The following PDZRN4 variants were observed in gnomAD, a reference collection of about 807,000 sequenced individuals.
The protein encoded by PDZRN4 is PDZ domain-containing RING finger protein 4.
PDZRN4 carries 70 observed loss-of-function variants against 99.0 expected under a neutral mutation model. The ratio of observed to expected loss-of-function variants is 0.71; its 90% confidence interval spans 0.58 to 0.86. The LOEUF (loss-of-function observed/expected upper bound fraction) is 0.86. Among genes scored for constraint, PDZRN4 ranks in the 40% least tolerant of loss-of-function variants. The probability of loss-of-function intolerance (pLI) is 0.00; values close to 1 mark genes in which losing one functional copy is unlikely to be tolerated. For synonymous variants in PDZRN4, 551 were observed against 501.6 expected, an observed-to-expected ratio of 1.10 and a Z score of -1.32; for missense variants, 1,474 against 1,331.2, an observed-to-expected ratio of 1.11 and a Z score of -1.67.
rs145810455 is a variant in PDZRN4 at position 41,312,947 on chromosome 12, T to C, written c.843+118759T>C. On this transcript the variant is annotated intron_variant, in intron 3 of 9. Coordinates refer to ENST00000402685, the MANE Select transcript of PDZRN4 (RefSeq NM_001164595.2). Reference sequence around the variant, plus strand: ...AATCGCACTGCCCTTCTTAGTGTTATGCCCAGAAACTCTGACTGTCCACCA... The same window carrying C: ...AATCGCACTGCCCTTCTTAGTGTTACGCCCAGAAACTCTGACTGTCCACCA... Among the ~76,000 whole-genome samples, 116 of 152,336 alleles carry C rather than the reference T, an allele frequency of 7.6e-4. 1 individual carries two copies. The East Asian group carries it at 0.018, about 24-fold the overall frequency.
At chr12:41,394,649 A>G (rs1298545391) in intron 3 of PDZRN4, among the ~76,000 whole-genome samples, 1 of 152,084 alleles carries the variant, frequency 6.6e-6, no homozygotes, top group African/African-American at 2.4e-5. Flanking sequence ...ACAGTCACTC[A>G]TGTGGTTGTT....
chr12:41,496,025 G>T (rs993584095), intron 3 of PDZRN4, among the ~76,000 whole-genome samples: 1 of 152,058 alleles, frequency 6.6e-6, no homozygotes, highest in African/African-American at 2.4e-5. Flanking sequence ...TATATATGTT[G>T]TTTTTCCCAG....
At chr12:41,450,802 C>A (rs1490749720) in intron 3 of PDZRN4, among the ~76,000 whole-genome samples, 2 of 152,046 alleles carry the variant, frequency 1.3e-5, no homozygotes, top group African/African-American at 4.8e-5. Context: ...GTGGTTCATG[C>A]CTTTACTTTC....
chr12:41,341,418 C>T (rs1951816001), intron 3 of PDZRN4, among the ~76,000 whole-genome samples: 1 of 151,780 alleles, frequency 6.6e-6, no homozygotes, highest in African/African-American at 2.4e-5. Context: ...TAAATTGTCC[C>T]TATTTGCAGG....
chr12:41,207,816 T>C (rs1950861804), intron 3 of PDZRN4, among the ~76,000 whole-genome samples: 1 of 151,838 alleles, frequency 6.6e-6, no homozygotes, highest in Admixed American at 6.6e-5. Context: ...GAAGAGGAAA[T>C]ATGGCTGGTT....
intron 5 of PDZRN4, among the ~76,000 whole-genome samples, chr12:41,513,771 C>G (rs752673297): frequency 3.8e-4 from 57 of 151,884 alleles, no homozygotes; most frequent in Admixed American, 2.4e-3. Flanking sequence ...ATCTTTTTGC[C>G]CAACTCCTAA....
At chr12:41,284,982 AC>A (rs1202759966) in intron 3 of PDZRN4, among the ~76,000 whole-genome samples, 1 of 152,100 alleles carries the variant, frequency 6.6e-6, no homozygotes, top group African/African-American at 2.4e-5. Flanking sequence ...AAAAGCAATG[AC>A]AAAAAAAGCC....
intron 3 of PDZRN4, among the ~76,000 whole-genome samples, chr12:41,450,054 G>A (rs1952762416): frequency 6.6e-6 from 1 of 151,804 alleles, no homozygotes; most frequent in African/African-American, 2.4e-5. Context: ...TTCTTCAACT[G>A]CAAATATCCA....
At chr12:41,508,019 G>C (rs1392766774) in intron 4 of PDZRN4, among the ~76,000 whole-genome samples, 1 of 152,090 alleles carries the variant, frequency 6.6e-6, no homozygotes, top group Non-Finnish European at 1.5e-5. Context: ...AATAATAATA[G>C]CTAGCTTGTA....
In PDZRN4 at chr12:41,543,999, A is replaced by T. The variant is rs573985018; in HGVS notation, c.1204-8657A>T. 5.8e-4 allele frequency among the ~76,000 whole-genome samples: 89 copies of T among 152,346 alleles called. No individual in the cohort carries two copies. In the Middle Eastern group the frequency reaches 0.031, roughly 52 times the overall value. ...ATTTTAGGGTCATATTTCCAAAAAA[A>T]CCATGAATAAATGCTAGATGGACCA... On this transcript the variant is annotated intron_variant, in intron 5 of 9. Coordinates refer to ENST00000402685, the MANE Select transcript of PDZRN4 (RefSeq NM_001164595.2).
chr12:41,456,188 G>A (rs1213936878), intron 3 of PDZRN4, among the ~76,000 whole-genome samples: 1 of 152,120 alleles, frequency 6.6e-6, no homozygotes, highest in East Asian at 1.9e-4. Flanking sequence ...GTGGTTGCAG[G>A]ACAAAGTCCA....
chr12:41,554,575 A>C (rs1325718913), intron 6 of PDZRN4, among the ~76,000 whole-genome samples: 3 of 152,166 alleles, frequency 2.0e-5, no homozygotes, highest in Non-Finnish European at 4.4e-5. Flanking sequence ...TTGCTTAAAA[A>C]AAAAAAGCTT....
At chr12:41,462,798 A>G (rs530611328) in intron 3 of PDZRN4, among the ~76,000 whole-genome samples, 148 of 152,140 alleles carry the variant, frequency 9.7e-4, no homozygotes, top group Non-Finnish European at 1.7e-3. Flanking sequence ...TTTTTCAGAA[A>G]ATGGTCTTAT....
chr12:41,312,903 CCA>C (rs1951616436), intron 3 of PDZRN4, among the ~76,000 whole-genome samples: 1 of 152,180 alleles, frequency 6.6e-6, no homozygotes, highest in African/African-American at 2.4e-5. Flanking sequence ...GCTAGCAACT[CCA>C]GTGTCCGTTA....
At chr12:41,244,550 A>G (rs1027198484) in intron 3 of PDZRN4, among the ~76,000 whole-genome samples, 26 of 147,616 alleles carry the variant, frequency 1.8e-4, no homozygotes, top group Non-Finnish European at 3.4e-4. Context: ...TGCTTACTCC[A>G]CCCTTGCCAA....
Position 41,506,632 on chromosome 12 carries a change from C to A in PDZRN4, c.1020C>A (p.Phe340Leu). ...MNASTQTDIT[F>L]EHIMALAKLR... Reference sequence around the variant, plus strand: ...CCAGCACTCAGACGGACATCACCTTCGAACACATCATGGCTCTGGCCAAGC... The same window carrying A: ...CCAGCACTCAGACGGACATCACCTTAGAACACATCATGGCTCTGGCCAAGC... Residue 340 changes from phenylalanine to leucine, a missense_variant, in exon 4 of 10, where the codon TTC becomes TTA. Transcript: ENST00000402685. The A allele has an allele frequency of 6.2e-7, 1 of 1,613,928 alleles. No individual in the cohort carries two copies. Among genetic ancestry groups the A allele is most frequent in the East Asian group, 2.2e-5 (1 of 44,848 alleles).
intron 3 of PDZRN4, among the ~76,000 whole-genome samples, chr12:41,336,219 G>A (rs1951773284): frequency 1.3e-5 from 2 of 152,116 alleles, no homozygotes; most frequent in Admixed American, 6.6e-5. Flanking sequence ...CCTGGCATAT[G>A]TGATTCAAAG....
intron 3 of PDZRN4, among the ~76,000 whole-genome samples, chr12:41,350,078 T>G (rs566834275): frequency 5.1e-4 from 78 of 152,218 alleles, no homozygotes; most frequent in Non-Finnish European, 9.6e-4. Flanking sequence ...TAAGTGAGTC[T>G]TCCATCAGTT....
chr12:41,426,375 T>G (rs1220369105), intron 3 of PDZRN4, among the ~76,000 whole-genome samples: 1 of 152,168 alleles, frequency 6.6e-6, no homozygotes, highest in Non-Finnish European at 1.5e-5. Context: ...GTAGGACATG[T>G]CTGGTAAACT....
Sources: allele counts gnomAD v4.1 joint callset (sites outside exome capture counted in the v4.1 genomes callset), GRCh38; gene constraint gnomAD v4.1.1; transcripts MANE v1.5; gene names NCBI Gene and HGNC (gene_info 2026-07-23, HGNC 2026-07-21).